The following TAFA1 variants were observed in gnomAD, a reference collection of about 807,000 sequenced individuals.
TAFA1 encodes the protein TAFA chemokine like family member 1.
A neutral mutation model predicts 18.5 loss-of-function variants in TAFA1; 4 were observed. The ratio of observed to expected loss-of-function variants is 0.22; its 90% CI spans 0.11 to 0.49. The LOEUF (loss-of-function observed/expected upper bound fraction) is 0.49. Ranked by LOEUF, TAFA1 falls within the 20% of genes least tolerant of loss-of-function variation. The pLI is 0.98. For synonymous variants in TAFA1, 56 were observed against 55.2 expected, an observed-to-expected ratio of 1.01 and a Z score of -0.06; for missense variants, 147 against 169.0, an observed-to-expected ratio of 0.87 and a Z score of 0.72.
At chr3:68,471,125 G>C (rs371526466) in intron 3 of TAFA1, among the ~76,000 whole-genome samples, 1 of 152,216 alleles carries the variant, frequency 6.6e-6, no homozygotes, top group Non-Finnish European at 1.5e-5. Context: ...ATGTGGTATT[G>C]AGTCTGCAGG....
At position 68,077,745 on chromosome 3, in the gene TAFA1, T is replaced by C. The variant is rs1053813881; in HGVS notation, c.118+71001T>C. 2.0e-5 allele frequency among the ~76,000 whole-genome samples: 3 copies of C among 151,660 alleles called. No homozygotes were observed. In the South Asian group the frequency reaches 6.2e-4, roughly 31 times the overall value. On this transcript the variant is annotated intron_variant, in intron 2 of 4. Transcript: ENST00000478136. ...TATAGTTTGAAGTCAGGTAGTGTGATGCCTCCAGCTTTGTTCTTTTGGCTT... is the reference window on the plus strand; with the variant it reads ...TATAGTTTGAAGTCAGGTAGTGTGACGCCTCCAGCTTTGTTCTTTTGGCTT...
intron 2 of TAFA1, among the ~76,000 whole-genome samples, chr3:68,344,426 C>A (rs1022899210): frequency 6.6e-6 from 1 of 152,148 alleles, no homozygotes; most frequent in Non-Finnish European, 1.5e-5. Flanking sequence ...GTCTACATGG[C>A]TCTAAATGCT....
chr3:68,013,368 T>C (rs900228935), intron 2 of TAFA1, among the ~76,000 whole-genome samples: 4 of 152,160 alleles, frequency 2.6e-5, no homozygotes, highest in African/African-American at 9.7e-5. Context: ...GTATTATGTG[T>C]GTATCTTTAT....
intron 3 of TAFA1, among the ~76,000 whole-genome samples, chr3:68,465,647 G>C (rs1350470266): frequency 6.6e-6 from 1 of 152,268 alleles, no homozygotes; most frequent in East Asian, 1.9e-4. Flanking sequence ...GGTGAAATCT[G>C]TTCCAAAGTT....
At chr3:68,249,658 C>A (rs969564842) in intron 2 of TAFA1, among the ~76,000 whole-genome samples, 27 of 152,176 alleles carry the variant, frequency 1.8e-4, no homozygotes, top group African/African-American at 6.0e-4. Flanking sequence ...AGCAGACAGT[C>A]AGGACTAAGA....
At chr3:68,147,400 C>T (rs959758967) in intron 2 of TAFA1, among the ~76,000 whole-genome samples, 2 of 152,000 alleles carry the variant, frequency 1.3e-5, no homozygotes, top group African/African-American at 4.8e-5. Flanking sequence ...AAATATCCCC[C>T]CCTCCCAACT....
At chr3:68,473,377 C>T (rs2106953689) in intron 3 of TAFA1, among the ~76,000 whole-genome samples, 1 of 152,300 alleles carries the variant, frequency 6.6e-6, no homozygotes, top group Non-Finnish European at 1.5e-5. Flanking sequence ...TGATGACAGA[C>T]AATCCACAAC....
At chr3:68,495,757 G>A (rs2072534930) in intron 3 of TAFA1, among the ~76,000 whole-genome samples, 1 of 152,082 alleles carries the variant, frequency 6.6e-6, no homozygotes. Context: ...GATTGTGAGG[G>A]TGGAGAAAGA....
chr3:68,444,234 T>TA (rs1559672775), intron 3 of TAFA1, among the ~76,000 whole-genome samples: 1 of 152,264 alleles, frequency 6.6e-6, no homozygotes, highest in East Asian at 1.9e-4. Context: ...ATACGTTTTT[T>TA]AAAAAAATCA....
chr3:68,180,345 T>C (rs1181477454), intron 2 of TAFA1, among the ~76,000 whole-genome samples: 1 of 152,016 alleles, frequency 6.6e-6, no homozygotes, highest in African/African-American at 2.4e-5. Flanking sequence ...CAGCCTATTT[T>C]ATTTATATAT....
chr3:68,367,231 C>T (rs1055213574), intron 2 of TAFA1, among the ~76,000 whole-genome samples: 5 of 152,172 alleles, frequency 3.3e-5, no homozygotes, highest in African/African-American at 4.8e-5. Flanking sequence ...TCAAGTGTAA[C>T]GTAATCTACG....
At chr3:68,044,151 T>C (rs945783518) in intron 2 of TAFA1, among the ~76,000 whole-genome samples, 3 of 152,212 alleles carry the variant, frequency 2.0e-5, no homozygotes, top group African/African-American at 7.2e-5. Flanking sequence ...TGTTCCTTCA[T>C]TCTTCTTTCC....
chr3:68,347,616 C>T (rs371208658), intron 2 of TAFA1, among the ~76,000 whole-genome samples: 1 of 152,146 alleles, frequency 6.6e-6, no homozygotes, highest in African/African-American at 2.4e-5. Flanking sequence ...AAATGAATGA[C>T]CATGGTTGTG....
intron 2 of TAFA1, among the ~76,000 whole-genome samples, chr3:68,147,930 G>A (rs2065762414): frequency 6.6e-6 from 1 of 152,190 alleles, no homozygotes; most frequent in South Asian, 2.1e-4. Context: ...CATTATTGTT[G>A]TGAGAGAAAA....
intron 2 of TAFA1, among the ~76,000 whole-genome samples, chr3:68,312,806 C>T (rs2068542435): frequency 6.6e-6 from 1 of 152,174 alleles, no homozygotes; most frequent in Non-Finnish European, 1.5e-5. Flanking sequence ...CAGCACCCCA[C>T]TCATGGTAAC....
intron 3 of TAFA1, among the ~76,000 whole-genome samples, chr3:68,460,070 GC>G (rs2071746778): frequency 6.6e-6 from 1 of 152,054 alleles, no homozygotes; most frequent in Non-Finnish European, 1.5e-5. Flanking sequence ...TCCCAGTATG[GC>G]TAAGAAATAG....
At chr3:68,448,607 ATT>A (rs1452096430) in intron 3 of TAFA1, among the ~76,000 whole-genome samples, 1 of 145,672 alleles carries the variant, frequency 6.9e-6, no homozygotes, top group African/African-American at 2.5e-5. Context: ...GAAAGAGGTG[ATT>A]TTTTTTTTTT....
chr3:68,231,968 A>C (rs1327374664), intron 2 of TAFA1, among the ~76,000 whole-genome samples: 1 of 152,174 alleles, frequency 6.6e-6, no homozygotes, highest in Non-Finnish European at 1.5e-5. Context: ...TATTTATAGG[A>C]TACAGAGTGA....
intron 2 of TAFA1, among the ~76,000 whole-genome samples, chr3:68,036,433 T>C (rs1358628645): frequency 1.2e-5 from 1 of 84,232 alleles, no homozygotes; most frequent in Non-Finnish European, 2.4e-5. Flanking sequence ...AGTGAGACTC[T>C]GTCAAAAAAA....
Sources: allele counts gnomAD v4.1 joint callset (sites outside exome capture counted in the v4.1 genomes callset), GRCh38; gene constraint gnomAD v4.1.1; transcripts MANE v1.5; gene names NCBI Gene and HGNC (gene_info 2026-07-23, HGNC 2026-07-21).